The following DAB1 variants were observed in gnomAD, a reference collection of about 807,000 sequenced individuals.
The protein encoded by DAB1 is disabled homolog 1.
A neutral mutation model predicts 64.6 loss-of-function variants in DAB1; 15 were observed. The ratio of observed to expected loss-of-function variants is 0.23; its 90% CI spans 0.16 to 0.36. The LOEUF (loss-of-function observed/expected upper bound fraction) is 0.36, where lower values mean the gene tolerates loss of function less well. DAB1 is among the 10% of genes least tolerant of loss of function. The pLI, the probability that DAB1 is intolerant of heterozygous loss-of-function variation, is 1.00. For missense variants in DAB1, 596 were observed against 706.7 expected (o/e 0.84, Z 1.78); for synonymous variants, 235 against 251.9 (o/e 0.93, Z 0.64).
chr1:58,203,188 C>T (rs1195281660), intron 4 of DAB1, among the ~76,000 whole-genome samples: 1 of 152,126 alleles, frequency 6.6e-6, no homozygotes, highest in Non-Finnish European at 1.5e-5. Flanking sequence ...GGTTTTTCTG[C>T]CGTGTGTTCC....
At chr1:57,497,222 T>C (rs1455865048) in intron 7 of DAB1, among the ~76,000 whole-genome samples, 1 of 152,244 alleles carries the variant, frequency 6.6e-6, no homozygotes, top group Non-Finnish European at 1.5e-5. Flanking sequence ...GCTCTACTAT[T>C]TTCTTTATAG....
chr1:57,399,389 G>T (rs1161563647), intron 1 of DAB1, among the ~76,000 whole-genome samples: 1 of 152,184 alleles, frequency 6.6e-6, no homozygotes, highest in Non-Finnish European at 1.5e-5. Flanking sequence ...CTGATCTCAA[G>T]ATGGAATTGT....
chr1:58,476,453 A>T (rs1645419947), intron 3 of DAB1, among the ~76,000 whole-genome samples: 1 of 152,160 alleles, frequency 6.6e-6, no homozygotes. Context: ...AGTGGTGTAA[A>T]ACCCCTTGCA....
rs908207761 is a variant in DAB1, at chr1:57,356,349, A to G, written c.-136-65183T>C. Among the ~76,000 whole-genome samples the G allele has an allele frequency of 7.2e-5, 11 of 152,128 alleles. No homozygotes were observed. In the South Asian group the frequency reaches 2.3e-3, roughly 31 times the overall value. On this transcript the variant is annotated intron_variant, in intron 1 of 14. Coordinates refer to ENST00000371236, the MANE Select transcript of DAB1 (RefSeq NM_001365792.1). ...TCTGTAGCATGCAGGTAAAATACCT[A>G]CTATAAGAGTAATTACAATAAAAAG... is the stretch of plus-strand genomic sequence containing the variant.
intron 1 of DAB1, among the ~76,000 whole-genome samples, chr1:57,835,973 A>G (rs2101909459): frequency 6.6e-6 from 1 of 152,324 alleles, no homozygotes; most frequent in African/African-American, 2.4e-5. Flanking sequence ...AAATGAAGGA[A>G]TAGTGATTCC....
chr1:58,397,791 G>C (rs1644535383), intron 3 of DAB1, among the ~76,000 whole-genome samples: 1 of 152,156 alleles, frequency 6.6e-6, no homozygotes, highest in Admixed American at 6.5e-5. Flanking sequence ...CTGTGGATTT[G>C]ATCTCCTTAA....
At chr1:57,328,539 C>T (rs761704295) in intron 1 of DAB1, among the ~76,000 whole-genome samples, 2 of 152,130 alleles carry the variant, frequency 1.3e-5, no homozygotes, top group African/African-American at 2.4e-5. Context: ...TTTTATATAC[C>T]TTATTAAATT....
intron 6 of DAB1, among the ~76,000 whole-genome samples, chr1:57,667,730 C>CATGGATG (rs1646465023): frequency 1.3e-5 from 2 of 151,944 alleles, no homozygotes; most frequent in African/African-American, 4.8e-5. Context: ...TTTGCAAGGA[C>CATGGATG]ATGGATGAAG....
At chr1:57,329,469 G>T (rs1222570996) in intron 1 of DAB1, among the ~76,000 whole-genome samples, 1 of 151,832 alleles carries the variant, frequency 6.6e-6, no homozygotes, top group African/African-American at 2.4e-5. Context: ...TTCCAGTGTT[G>T]CCTTTCCGGT....
At chr1:57,666,030 A>T (rs1646443708) in intron 6 of DAB1, among the ~76,000 whole-genome samples, 1 of 152,158 alleles carries the variant, frequency 6.6e-6, no homozygotes, top group African/African-American at 2.4e-5. Flanking sequence ...GCTAGCATTT[A>T]ACATAGAGAT....
intron 6 of DAB1, among the ~76,000 whole-genome samples, chr1:57,762,994 T>C (rs749461289): frequency 6.6e-6 from 1 of 152,192 alleles, no homozygotes; most frequent in Non-Finnish European, 1.5e-5. Flanking sequence ...AAGGGGCTCA[T>C]ATGGTAGCAG....
At chr1:57,018,094 G>A (rs1225911473) in intron 11 of DAB1, among the ~76,000 whole-genome samples, 4 of 152,090 alleles carry the variant, frequency 2.6e-5, no homozygotes, top group African/African-American at 9.7e-5. Context: ...ACCTAGAATC[G>A]ACTTTGAATT....
chr1:57,283,389 T>C (rs1455194067), intron 2 of DAB1, among the ~76,000 whole-genome samples: 1 of 152,184 alleles, frequency 6.6e-6, no homozygotes, highest in East Asian at 1.9e-4. Context: ...ATATTTCCTA[T>C]ACCACTAGAG....
chr1:57,744,884 T>A (rs951413619), intron 6 of DAB1, among the ~76,000 whole-genome samples: 2 of 152,190 alleles, frequency 1.3e-5, no homozygotes, highest in African/African-American at 4.8e-5. Flanking sequence ...TAGTTCCACC[T>A]GCAATTTTCT....
chr1:57,288,413 T>G (rs919435881), intron 2 of DAB1, among the ~76,000 whole-genome samples: 1 of 152,002 alleles, frequency 6.6e-6, no homozygotes, highest in African/African-American at 2.4e-5. Context: ...AGTGGCATGG[T>G]GTTTGGAAAT....
At chr1:57,520,853 C>T (rs1242630224) in intron 7 of DAB1, among the ~76,000 whole-genome samples, 1 of 151,878 alleles carries the variant, frequency 6.6e-6, no homozygotes, top group Non-Finnish European at 1.5e-5. Flanking sequence ...AGAGCAGGTC[C>T]TTGAGCTAAG....
At chr1:57,120,897 A>T (rs1023023971) in intron 4 of DAB1, among the ~76,000 whole-genome samples, 1 of 152,164 alleles carries the variant, frequency 6.6e-6, no homozygotes, top group Admixed American at 6.6e-5. Context: ...AGCACATTTA[A>T]TAAGCACTAT....
chr1:57,409,413 G>A (rs1683921064), intron 1 of DAB1, among the ~76,000 whole-genome samples: 1 of 152,226 alleles, frequency 6.6e-6, no homozygotes, highest in Non-Finnish European at 1.5e-5. Context: ...AGTCATGGTA[G>A]TGTGGCTGTT....
At chr1:58,206,875 A>G (rs1658309304) in intron 4 of DAB1, among the ~76,000 whole-genome samples, 1 of 152,162 alleles carries the variant, frequency 6.6e-6, no homozygotes, top group South Asian at 2.1e-4. Context: ...TCTTTTCCTT[A>G]TATCTGGGCT....
Sources: allele counts gnomAD v4.1 joint callset (sites outside exome capture counted in the v4.1 genomes callset), GRCh38; gene constraint gnomAD v4.1.1; transcripts MANE v1.5; gene names NCBI Gene and HGNC (gene_info 2026-07-23, HGNC 2026-07-21).